RALYL: variants seen among roughly 807,000 people sequenced by gnomAD.
RALYL encodes the protein RALY RNA binding protein like.
Under a neutral mutation model 35.1 loss-of-function variants are expected in RALYL, and 29 were observed. That is an observed-to-expected ratio of 0.83 (90% CI 0.61 to 1.13). RALYL has a LOEUF of 1.13. Among genes scored for constraint, RALYL ranks in the 50% most tolerant of loss-of-function variants. RALYL has a pLI of 0.00. For missense variants in RALYL, 359 were observed against 360.4 expected (o/e 1.00, Z 0.03); for synonymous variants, 120 against 127.6 (o/e 0.94, Z 0.40).
At chr8:84,466,594 C>G (rs1484803995) in intron 1 of RALYL, among the ~76,000 whole-genome samples, 6 of 150,438 alleles carry the variant, frequency 4.0e-5, no homozygotes, top group Admixed American at 2.0e-4. Flanking sequence ...GGATATTGGT[C>G]TAAAATTCTC....
chr8:84,199,179 T>C (rs1484558170), intron 1 of RALYL, among the ~76,000 whole-genome samples: 2 of 152,200 alleles, frequency 1.3e-5, no homozygotes, highest in African/African-American at 4.8e-5. Context: ...CTTTTGGATG[T>C]AAGTCATTTT....
At chr8:84,334,596 A>C (rs1285868458) in intron 1 of RALYL, among the ~76,000 whole-genome samples, 1 of 151,922 alleles carries the variant, frequency 6.6e-6, no homozygotes, top group Non-Finnish European at 1.5e-5. Flanking sequence ...TAAACTATGT[A>C]ATTATAAAAA....
At chr8:84,450,876 A>G (rs2049392412) in intron 1 of RALYL, among the ~76,000 whole-genome samples, 2 of 152,032 alleles carry the variant, frequency 1.3e-5, no homozygotes, top group South Asian at 4.1e-4. Flanking sequence ...TCAAAAAGAC[A>G]TTAAAAAATT....
intron 1 of RALYL, among the ~76,000 whole-genome samples, chr8:84,513,319 TG>T (rs1323851526): frequency 6.6e-6 from 1 of 152,184 alleles, no homozygotes; most frequent in Non-Finnish European, 1.5e-5. Flanking sequence ...TTAGCTAGTT[TG>T]TTATTATTGA....
chr8:84,525,177 G>A (rs2058782177), intron 1 of RALYL, among the ~76,000 whole-genome samples: 1 of 151,804 alleles, frequency 6.6e-6, no homozygotes, highest in South Asian at 2.1e-4. Flanking sequence ...AAATTCTTTG[G>A]AACAACAGCA....
At chr8:84,576,578 C>G (rs1374900005) in intron 2 of RALYL, among the ~76,000 whole-genome samples, 1 of 152,136 alleles carries the variant, frequency 6.6e-6, no homozygotes, top group South Asian at 2.1e-4. Flanking sequence ...CAGAAGTAGA[C>G]AGTTTAAATT....
rs774008184 is a variant in RALYL, at chr8:84,184,968, G to C, written c.-24+544G>C. ...AGCCTTGAGGATGGCACCGGCCCTC[G>C]CACGCTCAACTCCTGCTCCTCCTCT... On this transcript the variant is annotated intron_variant, in intron 1 of 8. Transcript: ENST00000521268. The C allele has an allele frequency of 5.0e-6, 8 of 1,613,458 alleles. No homozygotes were observed. The Admixed American group carries it at 1.0e-4, about 20-fold the overall frequency.
At chr8:84,902,160 G>T (rs1168869757) in intron 8 of RALYL, among the ~76,000 whole-genome samples, 2 of 152,104 alleles carry the variant, frequency 1.3e-5, no homozygotes, top group African/African-American at 2.4e-5. Context: ...TCACAGTTCT[G>T]CAGGCTGTAC....
At chr8:84,377,253 A>G (rs1203985756) in intron 1 of RALYL, among the ~76,000 whole-genome samples, 1 of 151,768 alleles carries the variant, frequency 6.6e-6, no homozygotes, top group Non-Finnish European at 1.5e-5. Context: ...GTGAGAAGGT[A>G]AGTTTGGAAC....
At chr8:84,660,005 T>C (rs574729272) in intron 2 of RALYL, among the ~76,000 whole-genome samples, 120 of 152,226 alleles carry the variant, frequency 7.9e-4, no homozygotes, top group Middle Eastern at 3.4e-3. Flanking sequence ...TGATTACCAA[T>C]AGGGAGAGAA....
At chr8:84,657,520 G>A (rs1031089992) in intron 2 of RALYL, among the ~76,000 whole-genome samples, 3 of 152,122 alleles carry the variant, frequency 2.0e-5, no homozygotes, top group African/African-American at 7.2e-5. Context: ...ATTAGTAAAG[G>A]GGCTTTCTAG....
intron 4 of RALYL, among the ~76,000 whole-genome samples, chr8:84,808,770 G>A (rs1229361374): frequency 3.9e-5 from 6 of 152,176 alleles, no homozygotes; most frequent in Middle Eastern, 3.4e-3. Context: ...TGCAGCCATC[G>A]TAAAGTGGAT....
intron 2 of RALYL, among the ~76,000 whole-genome samples, chr8:84,553,648 T>C (rs1325242792): frequency 6.6e-6 from 1 of 152,162 alleles, no homozygotes; most frequent in African/African-American, 2.4e-5. Context: ...TGGAAGTATT[T>C]CTAAAAGAAT....
At chr8:84,253,982 T>C (rs968216382) in intron 1 of RALYL, among the ~76,000 whole-genome samples, 9 of 152,182 alleles carry the variant, frequency 5.9e-5, no homozygotes, top group Non-Finnish European at 1.2e-4. Context: ...TCTCATATTT[T>C]TGTAAATAGG....
intron 1 of RALYL, among the ~76,000 whole-genome samples, chr8:84,349,506 C>G (rs1850482163): frequency 6.7e-6 from 1 of 150,188 alleles, no homozygotes; most frequent in African/African-American, 2.5e-5. Flanking sequence ...CCCCTGCCTA[C>G]CACACTGGAC....
chr8:84,202,367 A>AT (rs1187950600), intron 1 of RALYL, among the ~76,000 whole-genome samples: 5,407 of 113,344 alleles, frequency 0.048, 167 homozygotes, highest in Middle Eastern at 0.088. Context: ...TATTGAAGGG[A>AT]TTTTTTTTTT....
chr8:84,575,961 C>CAA (rs201624374), intron 2 of RALYL, among the ~76,000 whole-genome samples: 287 of 77,804 alleles, frequency 3.7e-3, no homozygotes, highest in African/African-American at 0.012. Flanking sequence ...GATTTTGTCT[C>CAA]AAAAAAAAAA....
Position 84,210,684 on chromosome 8 carries a change from G to T in RALYL, c.-24+26260G>T, listed in dbSNP as rs550547115. Among the ~76,000 whole-genome samples, 7 of 152,132 alleles carry T rather than the reference G, an allele frequency of 4.6e-5. No individual in the cohort carries two copies. In the East Asian group the frequency reaches 1.4e-3, roughly 29 times the overall value. On this transcript the variant is annotated intron_variant, in intron 1 of 8. Transcript: ENST00000521268. ...TCCATGCTGTAAGGTCACGAGCCAC[G>T]GAAAGCTTATTGTATAGTTTGCTGA...
chr8:84,796,645 CT>C (rs1159705056), intron 3 of RALYL, among the ~76,000 whole-genome samples: 1 of 151,984 alleles, frequency 6.6e-6, no homozygotes, highest in Non-Finnish European at 1.5e-5. Context: ...ATCAGAATGC[CT>C]TGGAATGATT....
Sources: allele counts gnomAD v4.1 joint callset (sites outside exome capture counted in the v4.1 genomes callset), GRCh38; gene constraint gnomAD v4.1.1; transcripts MANE v1.5; gene names NCBI Gene and HGNC (gene_info 2026-07-23, HGNC 2026-07-21).